The following CHRM2 variants were observed in gnomAD, a reference collection of about 807,000 sequenced individuals.
CHRM2 encodes the protein cholinergic receptor muscarinic 2, also known as muscarinic acetylcholine receptor M2.
Under a neutral mutation model 25.0 loss-of-function variants are expected in CHRM2, and 8 were observed. That is an observed-to-expected ratio of 0.32 (90% confidence interval 0.19 to 0.58). The LOEUF (loss-of-function observed/expected upper bound fraction) is 0.58, where lower values mean the gene tolerates loss of function less well. Ranked by LOEUF, CHRM2 falls within the 20% of genes least tolerant of loss-of-function variation. CHRM2 has a pLI of 0.88. For missense variants in CHRM2, 440 were observed against 567.1 expected, an observed-to-expected ratio of 0.78 and a Z score of 2.28; for synonymous variants, 202 against 205.7, an observed-to-expected ratio of 0.98 and a Z score of 0.15.
chr7:136,917,242 C>T (rs540217896), intron 2 of CHRM2, among the ~76,000 whole-genome samples: 2 of 151,970 alleles, frequency 1.3e-5, no homozygotes, highest in South Asian at 4.2e-4. Context: ...TCCTTGCCTC[C>T]CCTTTCTCCT....
chr7:136,933,339 C>T lies in CHRM2; in HGVS notation c.-124-58848C>T, dbSNP rs539285802. On this transcript the variant is annotated intron_variant, in intron 2 of 3. Coordinates refer to ENST00000680005, the MANE Select transcript of CHRM2 (RefSeq NM_001006630.2). The stretch of plus-strand genomic sequence containing the variant: ...AATAATTATAAGCAACAATGATGAT[C>T]AGCATCATTTGCCATTAGGGAAATA... Among the ~76,000 whole-genome samples, 24 of 152,236 alleles carry T rather than the reference C, an allele frequency of 1.6e-4. No homozygotes were observed. The South Asian group carries it at 3.7e-3, about 24-fold the overall frequency.
In CHRM2 at chr7:136,960,417, G is replaced by A. The variant is rs1800999487; in HGVS notation, c.-124-31770G>A. On this transcript the variant is annotated intron_variant, in intron 2 of 3. Transcript: ENST00000680005. ...CCAGAGGAGCTAGACACTGGGGAAG[G>A]AGAGAAACAAACGTGGCTAAGCCAG... is the stretch of plus-strand genomic sequence containing the variant. Among the ~76,000 whole-genome samples the A allele has an allele frequency of 2.6e-5, 4 of 152,184 alleles. No homozygotes were observed. The South Asian group carries it at 6.2e-4, about 24-fold the overall frequency.
chr7:137,006,751 CT>C (rs937126904), intron 3 of CHRM2, among the ~76,000 whole-genome samples: 20 of 151,754 alleles, frequency 1.3e-4, no homozygotes, highest in African/African-American at 3.6e-4. Context: ...TTGGTGTGGC[CT>C]TTTTTTTCCC....
At chr7:137,008,244 C>T (rs560966729) in intron 3 of CHRM2, among the ~76,000 whole-genome samples, 2 of 151,988 alleles carry the variant, frequency 1.3e-5, no homozygotes, top group African/African-American at 4.8e-5. Flanking sequence ...TACTACCAAC[C>T]GCTGGCTCTT....
intron 3 of CHRM2, among the ~76,000 whole-genome samples, chr7:137,011,742 A>G (rs1487637680): frequency 6.6e-6 from 1 of 152,018 alleles, no homozygotes; most frequent in Non-Finnish European, 1.5e-5. Context: ...CCTAGTGTTC[A>G]TATACATCTC....
chr7:136,920,924 T>C (rs1798394007), intron 2 of CHRM2, among the ~76,000 whole-genome samples: 1 of 152,098 alleles, frequency 6.6e-6, no homozygotes, highest in Non-Finnish European at 1.5e-5. Context: ...TATTTAGCTG[T>C]TTTCCTAAAT....
intron 2 of CHRM2, among the ~76,000 whole-genome samples, chr7:136,922,467 G>C (rs961446344): frequency 5.9e-5 from 9 of 152,250 alleles, no homozygotes; most frequent in Admixed American, 2.6e-4. Flanking sequence ...AAAAGCCAAA[G>C]CTCCTTTATA....
At chr7:136,938,639 C>A in intron 2 of CHRM2, 2 of 834,574 alleles carry the variant, frequency 2.4e-6, no homozygotes, top group East Asian at 2.5e-5. Context: ...GGAGCTCATG[C>A]GGGCACAGGG....
intron 2 of CHRM2, among the ~76,000 whole-genome samples, chr7:136,955,726 T>C (rs369964492): frequency 3.3e-5 from 5 of 152,186 alleles, no homozygotes; most frequent in South Asian, 2.1e-4. Context: ...TCTTCACACA[T>C]TTAAGTCTGG....
intron 3 of CHRM2, among the ~76,000 whole-genome samples, chr7:137,012,390 T>C (rs1424547): frequency 0.045 from 6,803 of 152,160 alleles, 317 homozygotes; most frequent in African/African-American, 0.11. Flanking sequence ...GGAAATCCGA[T>C]TAAAATAATT....
intron 2 of CHRM2, among the ~76,000 whole-genome samples, chr7:136,916,147 A>G (rs1241522252): frequency 1.9e-5 from 2 of 103,850 alleles, no homozygotes; most frequent in Non-Finnish European, 2.7e-5. Context: ...TAACTTTCCT[A>G]TATTTTGGTT....
At chr7:136,995,350 C>T (rs937769430) in intron 3 of CHRM2, among the ~76,000 whole-genome samples, 3 of 151,526 alleles carry the variant, frequency 2.0e-5, no homozygotes, top group East Asian at 3.9e-4. Flanking sequence ...ATTTGTATAC[C>T]GAAAAATTAC....
chr7:136,910,830 T>TGTGTGTGTGTGTGA (rs377403672), intron 2 of CHRM2, among the ~76,000 whole-genome samples: 1 of 149,614 alleles, frequency 6.7e-6, no homozygotes, highest in Non-Finnish European at 1.5e-5. Context: ...TGTGTGTGTG[T>TGTGTGTGTGTGTGA]GAGAGAGAGA....
At chr7:136,913,104 C>A (rs1797929905) in intron 2 of CHRM2, among the ~76,000 whole-genome samples, 1 of 151,890 alleles carries the variant, frequency 6.6e-6, no homozygotes, top group Non-Finnish European at 1.5e-5. Context: ...ATAACTACTG[C>A]ATTTATAATA....
rs983647649 is a variant in CHRM2, at chr7:137,017,334, A to G, written c.*1068A>G. ...CCTGAATTTGCCTGACCCATGTATGAAATGTTAACTTATAGAAAATGAACT... is the reference window on the plus strand; with the variant it reads ...CCTGAATTTGCCTGACCCATGTATGGAATGTTAACTTATAGAAAATGAACT... On this transcript the variant is annotated 3_prime_UTR_variant, in exon 4 of 4. Coordinates refer to ENST00000680005, the MANE Select transcript of CHRM2 (RefSeq NM_001006630.2). 1.3e-5 allele frequency: 2 copies of G among 151,946 alleles called. No homozygotes were observed. Among genetic ancestry groups the G allele is most frequent in the Non-Finnish European group, 2.9e-5 (2 of 67,934 alleles). 9.4% of individuals were successfully genotyped at this position (151,946 alleles called of 1,614,324 possible).
intron 2 of CHRM2, among the ~76,000 whole-genome samples, chr7:136,878,382 G>A (rs935793161): frequency 6.6e-6 from 1 of 151,910 alleles, no homozygotes; most frequent in Non-Finnish European, 1.5e-5. Context: ...GCTGGATGGA[G>A]GTACTGAAGG....
intron 2 of CHRM2, among the ~76,000 whole-genome samples, chr7:136,951,725 C>T (rs908803216): frequency 3.3e-5 from 5 of 152,156 alleles, no homozygotes; most frequent in African/African-American, 1.2e-4. Flanking sequence ...TTGGCTCCTT[C>T]CCACCCTCCA....
At position 136,994,521 on chromosome 7, in the gene CHRM2, C is replaced by CTTTTTTTTTTTTTTT. The variant is rs757243972; in HGVS notation, c.-47+2269_-47+2283dup. Among the ~76,000 whole-genome samples the CTTTTTTTTTTTTTTT allele has an allele frequency of 2.1e-3, 147 of 71,310 alleles. 4 individuals carry two copies. The highest frequency in any genetic ancestry group is 0.014 in the Middle Eastern group (1 of 74). 46.8% of individuals were successfully genotyped at this position (71,310 alleles called of 152,430 possible). A position where few individuals can be genotyped will look rare whatever the true frequency, so the allele number is the denominator to read the frequency against. On this transcript the variant is annotated intron_variant, in intron 3 of 3. Transcript: ENST00000680005. ...GTGCTTTCTGCTCTTTTTTTCTTTT[C>CTTTTTTTTTTTTTTT]TTTTTTTTTTTTTTTTTTTTTTTTT...
In CHRM2 at chr7:137,015,287, G is replaced by T. The variant is rs1233456812; in HGVS notation, c.422G>T (p.Gly141Val). ...YPVKRTTKMA[G>V]MMIAAAWVLS... ...GTCAAGCGGACCACAAAAATGGCAG[G>T]TATGATGATTGCAGCTGCCTGGGTC... Residue 141 changes from glycine (G) to valine (V), a missense_variant, in exon 4 of 4, where the codon GGT (glycine) becomes GTT (valine). Physicochemically the swap from Gly to Val is moderately radical, Grantham distance 109. This residue lies in a region of CHRM2 where 27 missense variants were observed against 55.5 expected (regional missense o/e 0.49). Transcript: ENST00000680005. The surrounding 1 kb of genome is among the most constrained non-coding windows in gnomAD (Gnocchi z 5.1). The T allele has an allele frequency of 6.2e-7, 1 of 1,613,210 alleles. No individual in the cohort carries two copies. Among genetic ancestry groups the T allele is most frequent in the Non-Finnish European group, 8.5e-7 (1 of 1,179,652 alleles).
Sources: allele counts gnomAD v4.1 joint callset (sites outside exome capture counted in the v4.1 genomes callset), GRCh38; gene constraint gnomAD v4.1.1; regional missense constraint gnomAD v4.1.1; non-coding constraint Gnocchi (gnomAD v3.1); transcripts MANE v1.5; gene names NCBI Gene and HGNC (gene_info 2026-07-23, HGNC 2026-07-21).